Variants in IGF1R observed in about 807,000 individuals in gnomAD.
IGF1R encodes insulin-like growth factor 1 receptor.
Under a neutral mutation model 144.6 loss-of-function variants are expected in IGF1R, and 44 were observed. The observed-to-expected ratio is 0.30, with a 90% confidence interval of 0.24 to 0.39. IGF1R has a LOEUF of 0.39. Among genes scored for constraint, IGF1R ranks in the 10% least tolerant of loss-of-function variants. The probability of loss-of-function intolerance (pLI) is 1.00; values close to 1 mark genes in which losing one functional copy is unlikely to be tolerated. For missense variants in IGF1R, 1,355 were observed against 1,833.7 expected (o/e 0.74, Z 4.77); for synonymous variants, 795 against 722.8 (o/e 1.10, Z -1.60).
intron 2 of IGF1R, among the ~76,000 whole-genome samples, chr15:98,861,159 C>G (rs575367064): frequency 6.6e-6 from 1 of 152,228 alleles, no homozygotes; most frequent in South Asian, 2.1e-4. Context: ...AAGCCCAACT[C>G]AGTAGTGAAA....
intron 2 of IGF1R, among the ~76,000 whole-genome samples, chr15:98,836,432 A>C (rs966917780): frequency 6.6e-6 from 1 of 151,512 alleles, no homozygotes; most frequent in African/African-American, 2.4e-5. Context: ...AGGTGGGAGG[A>C]TCGCATGAGC....
intron 19 of IGF1R, among the ~76,000 whole-genome samples, chr15:98,945,437 CCCTGGGGAAACA>C (rs1335303663): frequency 7.2e-5 from 11 of 152,172 alleles, no homozygotes; most frequent in Non-Finnish European, 1.6e-4. Context: ...CCGGTCTTCC[CCCTGGGGAAACA>C]ACGTCAAGGT....
intron 1 of IGF1R, among the ~76,000 whole-genome samples, chr15:98,694,789 G>C (rs1422419736): frequency 6.6e-6 from 1 of 152,228 alleles, no homozygotes. Context: ...CATCAGCACT[G>C]AATAAAGAAT....
chr15:98,723,018 C>T (rs919656934), intron 2 of IGF1R, among the ~76,000 whole-genome samples: 4 of 151,790 alleles, frequency 2.6e-5, no homozygotes, highest in Non-Finnish European at 5.9e-5. Context: ...TTTTGTGAAG[C>T]GAGGACTTGG....
At chr15:98,827,265 G>T (rs547550733) in intron 2 of IGF1R, among the ~76,000 whole-genome samples, 2 of 152,158 alleles carry the variant, frequency 1.3e-5, no homozygotes, top group African/African-American at 4.8e-5. Context: ...ACTGACATAG[G>T]CATTTTTAGC....
At chr15:98,950,740 A>T (rs1335071711) in intron 20 of IGF1R, among the ~76,000 whole-genome samples, 1 of 152,208 alleles carries the variant, frequency 6.6e-6, no homozygotes, top group Non-Finnish European at 1.5e-5. Flanking sequence ...GCCTGATTAG[A>T]GGAGTGAAGT....
At chr15:98,820,586 C>A (rs2056783154) in intron 2 of IGF1R, among the ~76,000 whole-genome samples, 2 of 152,146 alleles carry the variant, frequency 1.3e-5, no homozygotes, top group South Asian at 2.1e-4. Context: ...AATTCACAGA[C>A]CCTCAGTGTC....
chr15:98,869,963 T>C (rs2012693550), intron 2 of IGF1R, among the ~76,000 whole-genome samples: 1 of 152,144 alleles, frequency 6.6e-6, no homozygotes, highest in Non-Finnish European at 1.5e-5. Flanking sequence ...GCTTACAATG[T>C]GTGCATTACA....
rs143990738 is a variant in IGF1R at position 98,950,823 on chromosome 15, C to T, written c.3722+2115C>T. 6.4e-4 allele frequency among the ~76,000 whole-genome samples: 97 copies of T among 152,292 alleles called. 1 individual carries two copies. The highest frequency in any genetic ancestry group is 3.4e-3 in the Middle Eastern group (1 of 294). The stretch of plus-strand genomic sequence containing the variant: ...TATGGGATATTTACACCAGGGGCAA[C>T]GATCTTGGGGGGCATCTTAGAATTC... On this transcript the variant is annotated intron_variant, in intron 20 of 20. Transcript: ENST00000650285.
At chr15:98,953,023 A>G (rs915313475) in intron 20 of IGF1R, 2 of 152,222 alleles carry the variant, frequency 1.3e-5, no homozygotes, top group Non-Finnish European at 2.9e-5. Flanking sequence ...CTGTTGCTAC[A>G]AGACATGAAA....
rs1596495616 is a variant in IGF1R, at chr15:98,958,164, G to C, written c.*722G>C. 4.3e-6 allele frequency: 1 copy of C among 233,398 alleles called. No individual in the cohort carries two copies. The highest frequency in any genetic ancestry group is 6.1e-5 in the East Asian group (1 of 16,520). The allele number at this position is 233,398 out of a possible 1,614,324, so 14.5% of individuals were successfully genotyped here. ...ACACTCCGTCCATCCGACTGCCCCT[G>C]CTGTGCTGCTCAAGGCCACAGGCAC... On this transcript the variant is annotated 3_prime_UTR_variant, in exon 21 of 21. Coordinates refer to ENST00000650285, the MANE Select transcript of IGF1R (RefSeq NM_000875.5).
chr15:98,833,725 C>T (rs2057043826), intron 2 of IGF1R, among the ~76,000 whole-genome samples: 1 of 152,258 alleles, frequency 6.6e-6, no homozygotes, highest in South Asian at 2.1e-4. Context: ...ATGTTTTTGA[C>T]AGGGAGATTT....
intron 2 of IGF1R, among the ~76,000 whole-genome samples, chr15:98,849,879 A>G (rs796928930): frequency 2.0e-5 from 3 of 152,366 alleles, no homozygotes; most frequent in African/African-American, 7.2e-5. Flanking sequence ...CACTTCTCAT[A>G]TTGGAAAAAA....
chr15:98,652,908 G>A (rs1167485441), intron 1 of IGF1R, among the ~76,000 whole-genome samples: 3 of 150,102 alleles, frequency 2.0e-5, no homozygotes, highest in Admixed American at 1.3e-4. Context: ...GACTTTAATG[G>A]TATGTGAATT....
Position 98,924,692 on chromosome 15 carries a change from T to C in IGF1R, c.2782+8T>C. ...TCTATGTCCAGGCCAAAAGTAAGGC[T>C]TGTGGAGGGAGAAGAAACGTGGTAA... is the stretch of plus-strand genomic sequence containing the variant. On this transcript the variant is annotated splice_region_variant and intron_variant, in intron 13 of 20. Transcript: ENST00000650285. The C allele has an allele frequency of 1.2e-6, 2 of 1,611,090 alleles. No homozygotes were observed. The highest frequency in any genetic ancestry group is 1.1e-5 in the South Asian group (1 of 90,792).
At chr15:98,863,210 T>G (rs1306156770) in intron 2 of IGF1R, among the ~76,000 whole-genome samples, 1 of 152,198 alleles carries the variant, frequency 6.6e-6, no homozygotes, top group Non-Finnish European at 1.5e-5. Flanking sequence ...GGGGGGTACA[T>G]TTTTAACTTG....
chr15:98,721,644 C>T (rs993787840), intron 2 of IGF1R, among the ~76,000 whole-genome samples: 1 of 152,200 alleles, frequency 6.6e-6, no homozygotes, highest in African/African-American at 2.4e-5. Flanking sequence ...CACCTGTTTA[C>T]ATTTTGTATC....
intron 2 of IGF1R, among the ~76,000 whole-genome samples, chr15:98,753,453 G>C (rs923277007): frequency 1.5e-5 from 2 of 132,090 alleles, no homozygotes; most frequent in African/African-American, 5.9e-5. Context: ...GGCTTGTCTC[G>C]AACTCCTGGC....
At chr15:98,822,542 T>G (rs2056820785) in intron 2 of IGF1R, among the ~76,000 whole-genome samples, 1 of 152,246 alleles carries the variant, frequency 6.6e-6, no homozygotes, top group Non-Finnish European at 1.5e-5. Flanking sequence ...CTGGTATAAT[T>G]TAATATAGTG....
Sources: allele counts gnomAD v4.1 joint callset (sites outside exome capture counted in the v4.1 genomes callset), GRCh38; gene constraint gnomAD v4.1.1; transcripts MANE v1.5; gene names NCBI Gene and HGNC (gene_info 2026-07-23, HGNC 2026-07-21).